The following NSUN6 variants were observed in gnomAD, a reference collection of about 807,000 sequenced individuals.
NSUN6 encodes NOP2/Sun RNA methyltransferase 6.
Under a neutral mutation model 58.0 loss-of-function variants are expected in NSUN6, and 64 were observed. The observed-to-expected ratio is 1.10, with a 90% CI of 0.90 to 1.36. The LOEUF (loss-of-function observed/expected upper bound fraction) is 1.36, where lower values mean the gene tolerates loss of function less well. Ranked by LOEUF, NSUN6 falls within the 40% of genes most tolerant of loss-of-function variation. The pLI is 0.00. For synonymous variants in NSUN6, 231 were observed against 193.9 expected, an observed-to-expected ratio of 1.19 and a Z score of -1.59; for missense variants, 701 against 550.1, an observed-to-expected ratio of 1.27 and a Z score of -2.74.
At chr10:18,624,905 CAT>C (rs916019456) in intron 3 of NSUN6, among the ~76,000 whole-genome samples, 2 of 152,072 alleles carry the variant, frequency 1.3e-5, no homozygotes, top group African/African-American at 2.4e-5. Context: ...GGTACAAACA[CAT>C]GTTTATTCGG....
chr10:18,560,920 T>C (rs887012886), intron 8 of NSUN6, among the ~76,000 whole-genome samples: 1 of 149,882 alleles, frequency 6.7e-6, no homozygotes, highest in African/African-American at 2.5e-5. Context: ...TGGAATGGAA[T>C]GGAGCATAGA....
At chr10:18,601,214 A>G (rs2057825947) in intron 6 of NSUN6, among the ~76,000 whole-genome samples, 1 of 152,028 alleles carries the variant, frequency 6.6e-6, no homozygotes, top group East Asian at 1.9e-4. Context: ...CAAAGCTGGC[A>G]TAGATTCCTA....
At chr10:18,548,835 CA>C (rs1424275479) in intron 9 of NSUN6, among the ~76,000 whole-genome samples, 1 of 152,134 alleles carries the variant, frequency 6.6e-6, no homozygotes, top group Non-Finnish European at 1.5e-5. Context: ...CCTATCTTTC[CA>C]GAATCTCAGG....
At chr10:18,648,233 G>A (rs1280941798) in intron 2 of NSUN6, among the ~76,000 whole-genome samples, 1 of 152,100 alleles carries the variant, frequency 6.6e-6, no homozygotes, top group Non-Finnish European at 1.5e-5. Flanking sequence ...AGCTACTAAG[G>A]CCCAGTTTAA....
chr10:18,658,219 C>G (rs866054085), upstream of NSUN6: 3 of 152,188 alleles, frequency 2.0e-5, no homozygotes, highest in African/African-American at 7.2e-5. Context: ...TGAAACTTGC[C>G]TTTAATGTTG....
At chr10:18,616,128 G>T in intron 4 of NSUN6, 56 bp downstream of exon 4, 1 of 1,018,572 alleles carries the variant, frequency 9.8e-7, no homozygotes, top group Non-Finnish European at 1.5e-6. Context: ...TTTTCCATTT[G>T]AAAATGCACA....
At chr10:18,640,656 A>G (rs947612923) in intron 3 of NSUN6, among the ~76,000 whole-genome samples, 1 of 152,176 alleles carries the variant, frequency 6.6e-6, no homozygotes, top group Admixed American at 6.5e-5. Flanking sequence ...GAAATGCTCT[A>G]TCTTGACTGG....
chr10:18,563,452 G>C (rs1286439747), intron 8 of NSUN6, among the ~76,000 whole-genome samples: 3 of 151,054 alleles, frequency 2.0e-5, no homozygotes, highest in South Asian at 2.1e-4. Context: ...AGAATGAAAG[G>C]GAATGAAATG....
intron 8 of NSUN6, among the ~76,000 whole-genome samples, chr10:18,555,993 T>C (rs536464668): frequency 6.9e-6 from 1 of 144,078 alleles, no homozygotes; most frequent in African/African-American, 2.6e-5. Flanking sequence ...GAATGGATAA[T>C]AGAATGGAAT....
At chr10:18,634,379 A>C (rs566992901) in intron 3 of NSUN6, among the ~76,000 whole-genome samples, 11 of 152,292 alleles carry the variant, frequency 7.2e-5, no homozygotes, top group Admixed American at 7.2e-4. Context: ...CAAGAAAAGC[A>C]AAGCACAGAC....
At chr10:18,574,326 C>T (rs914453984) in intron 8 of NSUN6, among the ~76,000 whole-genome samples, 5 of 151,994 alleles carry the variant, frequency 3.3e-5, no homozygotes, top group Admixed American at 6.6e-5. Context: ...CTTACTGACT[C>T]GAGAATCTTA....
chr10:18,582,148 G>A (rs796745111), intron 8 of NSUN6, among the ~76,000 whole-genome samples: 13 of 152,280 alleles, frequency 8.5e-5, no homozygotes, highest in African/African-American at 2.9e-4. Context: ...CAACTCCTGA[G>A]ATCTTATCAG....
At chr10:18,616,817 T>A (rs570136747) in intron 3 of NSUN6, among the ~76,000 whole-genome samples, 104 of 152,204 alleles carry the variant, frequency 6.8e-4, no homozygotes, top group Middle Eastern at 6.8e-3. Flanking sequence ...CTTCTAACAC[T>A]CAGGGTTCCA....
chr10:18,622,751 C>T (rs1296464327), intron 3 of NSUN6, among the ~76,000 whole-genome samples: 5 of 152,134 alleles, frequency 3.3e-5, no homozygotes, highest in African/African-American at 1.2e-4. Context: ...AAAGAGAAGA[C>T]AAATCCAGTC....
intron 8 of NSUN6, among the ~76,000 whole-genome samples, chr10:18,573,847 A>G (rs924623724): frequency 3.3e-5 from 5 of 152,136 alleles, no homozygotes; most frequent in African/African-American, 1.2e-4. Context: ...CTCAAACTAA[A>G]CAAGAACTCG....
At chr10:18,548,614 T>C (rs138029157) in intron 9 of NSUN6, among the ~76,000 whole-genome samples, 21 of 152,270 alleles carry the variant, frequency 1.4e-4, no homozygotes, top group Non-Finnish European at 2.4e-4. Flanking sequence ...TTATTCTTAT[T>C]TTTTTAAATA....
chr10:18,578,462 G>C (rs1480814922), intron 8 of NSUN6, among the ~76,000 whole-genome samples: 1 of 151,954 alleles, frequency 6.6e-6, no homozygotes, highest in Non-Finnish European at 1.5e-5. Flanking sequence ...TTCAAATCCT[G>C]TAAGCCTTTC....
chr10:18,631,632 C>G (rs1226650574), intron 3 of NSUN6, among the ~76,000 whole-genome samples: 2 of 143,452 alleles, frequency 1.4e-5, no homozygotes, highest in African/African-American at 2.6e-5. Flanking sequence ...AGAGCCAAAT[C>G]ATGAGTGAAC....
intron 8 of NSUN6, among the ~76,000 whole-genome samples, chr10:18,570,692 CATTCCATTCCATTCTCT>C (rs142741692): frequency 0.19 from 28,587 of 147,838 alleles, 3,037 homozygotes; most frequent in South Asian, 0.31. Flanking sequence ...TTTCATGCTC[CATTCCATTCCATTCTCT>C]ATTCCATTCC....
Sources: allele counts gnomAD v4.1 joint callset (sites outside exome capture counted in the v4.1 genomes callset), GRCh38; gene constraint gnomAD v4.1.1; transcripts MANE v1.5; gene names NCBI Gene and HGNC (gene_info 2026-07-23, HGNC 2026-07-21).